The following KBTBD12 variants were observed in gnomAD, a reference collection of about 807,000 sequenced individuals.
KBTBD12 encodes kelch repeat and BTB domain containing 12, also known as kelch repeat and BTB domain-containing protein 12.
KBTBD12 carries 53 observed loss-of-function variants against 58.7 expected under a neutral mutation model. That is an observed-to-expected ratio of 0.90 (90% CI 0.72 to 1.14). The LOEUF (loss-of-function observed/expected upper bound fraction) is 1.14, where lower values mean the gene tolerates loss of function less well. KBTBD12 is among the 50% of genes most tolerant of loss of function. The probability of loss-of-function intolerance (pLI) is 0.00; values close to 1 mark genes in which losing one functional copy is unlikely to be tolerated. For synonymous variants in KBTBD12, 236 were observed against 259.8 expected, an observed-to-expected ratio of 0.91 and a Z score of 0.88; for missense variants, 704 against 751.3, an observed-to-expected ratio of 0.94 and a Z score of 0.74.
At chr3:127,938,105 G>A (rs1468502774) in intron 4 of KBTBD12, among the ~76,000 whole-genome samples, 1 of 152,040 alleles carries the variant, frequency 6.6e-6, no homozygotes, top group Non-Finnish European at 1.5e-5. Flanking sequence ...AATGCAAGAT[G>A]AAATGAAGAG....
intron 5 of KBTBD12, among the ~76,000 whole-genome samples, chr3:127,980,360 C>T (rs1026484171): frequency 3.3e-5 from 5 of 152,070 alleles, no homozygotes; most frequent in African/African-American, 7.2e-5. Context: ...GATGGAGTCT[C>T]GCTCTGTCGC....
In KBTBD12 at chr3:127,923,046, CTT is replaced by C; in HGVS notation, c.-14_-13del. On this transcript the variant is annotated 5_prime_UTR_variant, in exon 2 of 6. Transcript: ENST00000405109. ...CACTTAAAGAAGACTTAGTTGGAAA[CTT>C]TGGAGAGTAGATCATGGAGTGCAAG... 1 of 1,503,350 alleles carries C rather than the reference CTT, an allele frequency of 6.7e-7. No individual in the cohort carries two copies. The highest frequency in any genetic ancestry group is 1.2e-5 in the South Asian group (1 of 85,218). 93.1% of individuals were successfully genotyped at this position (1,503,350 alleles called of 1,614,324 possible).
rs930101345 is a variant in KBTBD12 at position 127,915,548 on chromosome 3, C to T, written c.-151C>T. 2 of 152,456 alleles carry T rather than the reference C, an allele frequency of 1.3e-5. No individual in the cohort carries two copies. The highest frequency in any genetic ancestry group is 4.1e-4 in the South Asian group (2 of 4,828). 9.4% of individuals were successfully genotyped at this position (152,456 alleles called of 1,614,324 possible). ...GTAGCGTCCAAGCCAGGTCGTGGCC[C>T]AGCGAGTGGGGACGCGCCCCGAACC... On this transcript the variant is annotated 5_prime_UTR_variant, in exon 1 of 6. Coordinates refer to ENST00000405109, the MANE Select transcript of KBTBD12 (RefSeq NM_207335.4).
chr3:127,927,070 G>T (rs1939588728), intron 2 of KBTBD12, among the ~76,000 whole-genome samples: 1 of 152,066 alleles, frequency 6.6e-6, no homozygotes, highest in South Asian at 2.1e-4. Context: ...ACTCTAGAAG[G>T]CATTGAGAGA....
intron 2 of KBTBD12, among the ~76,000 whole-genome samples, chr3:127,924,688 A>G (rs1939522958): frequency 6.6e-6 from 1 of 152,110 alleles, no homozygotes; most frequent in Admixed American, 6.5e-5. Flanking sequence ...AATTACTAAT[A>G]ATCTGTCAGT....
intron 5 of KBTBD12, among the ~76,000 whole-genome samples, chr3:127,974,146 G>A (rs565736750): frequency 3.2e-4 from 48 of 152,272 alleles, no homozygotes; most frequent in African/African-American, 1.1e-3. Context: ...CTAAAAACAT[G>A]CTTAGCAGTA....
Position 127,923,729 on chromosome 3 carries a change from A to G in KBTBD12, c.668A>G (p.Glu223Gly). ...LVELLKQVRL[E>G]LVNPSFLRQA... ...GAGCTTTTGAAGCAAGTCAGATTGG[A>G]ACTTGTAAATCCTTCTTTTTTAAGA... The change falls in exon 2 of 6, where the codon GAA (glutamate) becomes GGA (glycine). Residue 223 changes from glutamate (E) to glycine (G), a missense_variant. By Grantham distance (98) the Glu-to-Gly change is moderately conservative. Coordinates refer to ENST00000405109, the MANE Select transcript of KBTBD12 (RefSeq NM_207335.4). 1 of 1,613,894 alleles carries G rather than the reference A, an allele frequency of 6.2e-7. No individual in the cohort carries two copies. The highest frequency in any genetic ancestry group is 8.5e-7 in the Non-Finnish European group (1 of 1,179,816).
At chr3:127,971,204 A>G (rs187868574) in intron 5 of KBTBD12, among the ~76,000 whole-genome samples, 2 of 152,272 alleles carry the variant, frequency 1.3e-5, no homozygotes, top group African/African-American at 4.8e-5. Flanking sequence ...TGCTATAAGA[A>G]CATCCAAGGG....
Position 127,927,849 on chromosome 3 carries a change from G to T in KBTBD12, c.1156G>T (p.Asp386Tyr). Residue 386 changes from aspartate (D) to tyrosine (Y), a missense_variant, in exon 3 of 6, where the codon GAC (aspartate) becomes TAC (tyrosine). Transcript: ENST00000405109. ...ELYALGSIHN[D>Y]LYVIGGQMKI... ...CTATGCTCTGGGCAGTATTCATAAT[G>T]ACCTTTATGTTATAGGAGGACAGAT... 16 of 1,612,310 alleles carry T rather than the reference G, an allele frequency of 9.9e-6. No homozygotes were observed. Among genetic ancestry groups the T allele is most frequent in the Non-Finnish European group, 1.4e-5 (16 of 1,178,896 alleles).
chr3:127,965,286 C>T (rs1463437975), intron 5 of KBTBD12, among the ~76,000 whole-genome samples: 1 of 152,228 alleles, frequency 6.6e-6, no homozygotes, highest in Non-Finnish European at 1.5e-5. Flanking sequence ...GCTAACCTCT[C>T]TTCTTGGTAC....
At chr3:127,968,609 A>G (rs978843552) in intron 5 of KBTBD12, among the ~76,000 whole-genome samples, 4 of 152,344 alleles carry the variant, frequency 2.6e-5, no homozygotes, top group South Asian at 2.1e-4. Context: ...TTACCATTTG[A>G]AAATGAATCA....
intron 3 of KBTBD12, among the ~76,000 whole-genome samples, chr3:127,929,470 A>G (rs1939651153): frequency 6.6e-6 from 1 of 152,324 alleles, no homozygotes; most frequent in African/African-American, 2.4e-5. Flanking sequence ...TTCACCTAAC[A>G]TTTATGAATA....
At chr3:127,976,064 T>C (rs903826076) in intron 5 of KBTBD12, among the ~76,000 whole-genome samples, 1 of 152,226 alleles carries the variant, frequency 6.6e-6, no homozygotes, top group East Asian at 1.9e-4. Context: ...TACCCATACA[T>C]ATAGACAGGT....
At chr3:127,974,035 A>G (rs762470971) in intron 5 of KBTBD12, among the ~76,000 whole-genome samples, 2 of 152,178 alleles carry the variant, frequency 1.3e-5, no homozygotes, top group Non-Finnish European at 2.9e-5. Context: ...TATACCATAT[A>G]CCCATACATA....
chr3:127,929,208 T>C (rs1939643065), intron 3 of KBTBD12, among the ~76,000 whole-genome samples: 1 of 152,188 alleles, frequency 6.6e-6, no homozygotes, highest in Admixed American at 6.5e-5. Context: ...GTTTACCTCA[T>C]AGAGGAAAGG....
intron 5 of KBTBD12, among the ~76,000 whole-genome samples, chr3:127,977,457 G>A (rs768436721): frequency 4.6e-5 from 7 of 152,196 alleles, no homozygotes; most frequent in African/African-American, 9.6e-5. Flanking sequence ...CACCAGCAGC[G>A]TATAAGCATT....
At chr3:127,951,773 C>G (rs149688560) in intron 4 of KBTBD12, among the ~76,000 whole-genome samples, 9 of 152,192 alleles carry the variant, frequency 5.9e-5, no homozygotes, top group Admixed American at 2.6e-4. Context: ...AGGACAGTGG[C>G]TCTGTAGATT....
At chr3:127,969,545 C>T (rs1385388799) in intron 5 of KBTBD12, among the ~76,000 whole-genome samples, 1 of 152,184 alleles carries the variant, frequency 6.6e-6, no homozygotes, top group Non-Finnish European at 1.5e-5. Flanking sequence ...GAAAGACCCA[C>T]ACTTCCTAAT....
chr3:127,939,460 C>T (rs975270673), intron 4 of KBTBD12, among the ~76,000 whole-genome samples: 1 of 151,906 alleles, frequency 6.6e-6, no homozygotes, highest in Admixed American at 6.6e-5. Flanking sequence ...ATCTATGAGA[C>T]ATATATTTAC....
Sources: allele counts gnomAD v4.1 joint callset (sites outside exome capture counted in the v4.1 genomes callset), GRCh38; gene constraint gnomAD v4.1.1; transcripts MANE v1.5; gene names NCBI Gene and HGNC (gene_info 2026-07-23, HGNC 2026-07-21).